Variants in GRM8 observed in about 807,000 individuals in gnomAD.
GRM8 encodes the protein metabotropic glutamate receptor 8.
Under a neutral mutation model 87.2 loss-of-function variants are expected in GRM8, and 47 were observed. The observed-to-expected ratio is 0.54, with a 90% confidence interval of 0.43 to 0.69. GRM8 has a LOEUF of 0.69. Among genes scored for constraint, GRM8 ranks in the 30% least tolerant of loss-of-function variants. GRM8 has a pLI of 0.00. For missense variants in GRM8, 1,019 were observed against 1,139.2 expected (o/e 0.89, Z 1.52); for synonymous variants, 396 against 404.5 (o/e 0.98, Z 0.25).
chr7:126,983,550 G>A (rs1044322839), intron 3 of GRM8, among the ~76,000 whole-genome samples: 1 of 152,084 alleles, frequency 6.6e-6, no homozygotes, highest in Non-Finnish European at 1.5e-5. Context: ...GACACTTGGG[G>A]TTCCTCCTAC....
intron 3 of GRM8, among the ~76,000 whole-genome samples, chr7:127,056,327 G>A (rs948010650): frequency 1.3e-5 from 2 of 152,124 alleles, no homozygotes; most frequent in African/African-American, 4.8e-5. Flanking sequence ...CCTTAAAGAA[G>A]CAGGAGATCA....
intron 7 of GRM8, among the ~76,000 whole-genome samples, chr7:126,713,420 G>A (rs934181026): frequency 1.3e-5 from 2 of 152,052 alleles, no homozygotes; most frequent in African/African-American, 4.8e-5. Flanking sequence ...CACAGGGAGG[G>A]GAACATTACA....
intron 3 of GRM8, among the ~76,000 whole-genome samples, chr7:127,046,245 G>A (rs1818911453): frequency 6.6e-6 from 1 of 152,096 alleles, no homozygotes; most frequent in Admixed American, 6.5e-5. Context: ...GGTGGTGGGC[G>A]CCTGTAGTCC....
chr7:127,086,620 C>T (rs1111183), intron 3 of GRM8, among the ~76,000 whole-genome samples: 36,029 of 152,100 alleles, frequency 0.24, 5,038 homozygotes, highest in Non-Finnish European at 0.33. Context: ...TGGAACCAGT[C>T]ACCTCAACCT....
intron 7 of GRM8, among the ~76,000 whole-genome samples, chr7:126,743,671 C>G (rs1434131753): frequency 3.3e-5 from 5 of 152,054 alleles, no homozygotes; most frequent in African/African-American, 1.2e-4. Flanking sequence ...AGTTGCTTCT[C>G]TAACAGTATA....
At chr7:127,200,604 G>A (rs1037769783) in intron 2 of GRM8, among the ~76,000 whole-genome samples, 1 of 152,176 alleles carries the variant, frequency 6.6e-6, no homozygotes, top group Admixed American at 6.5e-5. Context: ...CATGTTCTCT[G>A]CAGGCTCTAG....
chr7:126,807,558 C>A (rs1327451306), intron 6 of GRM8, among the ~76,000 whole-genome samples: 1 of 152,128 alleles, frequency 6.6e-6, no homozygotes, highest in Admixed American at 6.5e-5. Flanking sequence ...CTCCTTATAT[C>A]CAGGTTTCCC....
At chr7:126,975,833 A>C (rs1810928782) in intron 3 of GRM8, among the ~76,000 whole-genome samples, 1 of 152,224 alleles carries the variant, frequency 6.6e-6, no homozygotes, top group Non-Finnish European at 1.5e-5. Flanking sequence ...AAGTGTTGAG[A>C]TAATACATAG....
In GRM8 at chr7:127,042,200, T is replaced by C. The variant is rs1818489919; in HGVS notation, c.727+64296A>G. 2.0e-5 allele frequency among the ~76,000 whole-genome samples: 3 copies of C among 152,196 alleles called. No individual in the cohort carries two copies. In the South Asian group the frequency reaches 6.2e-4, roughly 32 times the overall value. On this transcript the variant is annotated intron_variant, in intron 3 of 10. Transcript: ENST00000339582. ...TTCCATTTTCAGTCTGCCAGGGGAA[T>C]ACTTTAGAGTTCAAAGGGCCTCCAG...
At chr7:126,854,418 GT>G (rs1797492377) in intron 6 of GRM8, among the ~76,000 whole-genome samples, 1 of 152,120 alleles carries the variant, frequency 6.6e-6, no homozygotes, top group Admixed American at 6.6e-5. Context: ...AGTGGCTATA[GT>G]TTTAGTATGC....
In GRM8 at chr7:126,755,346, G is replaced by A. The variant is rs547420534; in HGVS notation, c.1357+14519C>T. On this transcript the variant is annotated intron_variant, in intron 7 of 10. Coordinates refer to ENST00000339582, the MANE Select transcript of GRM8 (RefSeq NM_000845.3). ...GGCTGAAGTTTATCTAGAAGGATCA[G>A]AGAGATATACCCAAGTAATTCTTAT... Among the ~76,000 whole-genome samples, 19 of 152,078 alleles carry A rather than the reference G, an allele frequency of 1.2e-4. No individual in the cohort carries two copies. In the South Asian group the frequency reaches 3.9e-3, roughly 32 times the overall value.
At chr7:126,510,433 A>C (rs978678379) in intron 9 of GRM8, among the ~76,000 whole-genome samples, 6 of 152,098 alleles carry the variant, frequency 3.9e-5, no homozygotes, top group African/African-American at 1.4e-4. Context: ...GTGCTAGTCC[A>C]ATATCTCTTG....
chr7:126,726,320 T>C (rs1034858740), intron 7 of GRM8, among the ~76,000 whole-genome samples: 14 of 151,820 alleles, frequency 9.2e-5, no homozygotes, highest in African/African-American at 3.1e-4. Context: ...CCTACTTCAG[T>C]GGCTTGCCTG....
chr7:126,742,653 C>T (rs1815146699), intron 7 of GRM8, among the ~76,000 whole-genome samples: 1 of 151,862 alleles, frequency 6.6e-6, no homozygotes. Context: ...CAAACCAAGT[C>T]CCCATCCAGC....
chr7:126,923,957 A>G (rs1320871608), intron 3 of GRM8, among the ~76,000 whole-genome samples: 6 of 152,206 alleles, frequency 3.9e-5, no homozygotes, highest in Non-Finnish European at 8.8e-5. Flanking sequence ...TCTGTGATTC[A>G]AATACATCTA....
intron 2 of GRM8, among the ~76,000 whole-genome samples, chr7:127,221,752 C>T (rs1341320338): frequency 6.6e-6 from 1 of 152,158 alleles, no homozygotes; most frequent in African/African-American, 2.4e-5. Flanking sequence ...TGGTCCAGGC[C>T]CCACAGTGCT....
At chr7:126,650,412 G>T (rs1803679999) in intron 7 of GRM8, among the ~76,000 whole-genome samples, 1 of 152,112 alleles carries the variant, frequency 6.6e-6, no homozygotes, top group Non-Finnish European at 1.5e-5. Context: ...CCCAAAAGAG[G>T]ACAGCTGTAG....
At chr7:126,697,677 A>T (rs1448664229) in intron 7 of GRM8, among the ~76,000 whole-genome samples, 1 of 152,116 alleles carries the variant, frequency 6.6e-6, no homozygotes, top group Non-Finnish European at 1.5e-5. Context: ...CCCAAATTTA[A>T]GGAAATTAGT....
At chr7:126,905,436 C>T (rs1349399876) in intron 3 of GRM8, among the ~76,000 whole-genome samples, 1 of 152,118 alleles carries the variant, frequency 6.6e-6, no homozygotes, top group African/African-American at 2.4e-5. Flanking sequence ...AAGAGGTTCC[C>T]CCAGTTGCAG....
Sources: allele counts gnomAD v4.1 joint callset (sites outside exome capture counted in the v4.1 genomes callset), GRCh38; gene constraint gnomAD v4.1.1; transcripts MANE v1.5; gene names NCBI Gene and HGNC (gene_info 2026-07-23, HGNC 2026-07-21).